Variants in RIC3 observed in about 807,000 individuals in gnomAD.
The protein encoded by RIC3 is protein RIC-3.
In RIC3, 28 loss-of-function variants were observed where a neutral mutation model predicts 27.3. The observed-to-expected ratio is 1.02, with a 90% CI of 0.76 to 1.41. RIC3 has a LOEUF of 1.41. Among genes scored for constraint, RIC3 ranks in the 40% most tolerant of loss-of-function variants. The probability of loss-of-function intolerance (pLI) is 0.00; values close to 1 mark genes in which losing one functional copy is unlikely to be tolerated. For synonymous variants in RIC3, 184 were observed against 160.4 expected (o/e 1.15, Z -1.11); for missense variants, 501 against 444.7 (o/e 1.13, Z -1.14).
intron 1 of RIC3, among the ~76,000 whole-genome samples, chr11:8,159,598 A>G (rs1363296526): frequency 1.3e-5 from 2 of 152,234 alleles, no homozygotes; most frequent in Non-Finnish European, 2.9e-5. Flanking sequence ...CAACTGGTTG[A>G]ATGACCCTAA....
In RIC3 at chr11:8,158,099, G is replaced by C. The variant is rs548344925; in HGVS notation, c.124+10767C>G. On this transcript the variant is annotated intron_variant, in intron 1 of 5. Transcript: ENST00000309737. Reference sequence around the variant, plus strand: ...TTACATACCAACACATAAGAAGCTAGTTTAAGATAACACAGAACTATGTAT... The same window carrying C: ...TTACATACCAACACATAAGAAGCTACTTTAAGATAACACAGAACTATGTAT... 2.0e-5 allele frequency among the ~76,000 whole-genome samples: 3 copies of C among 152,210 alleles called. No homozygotes were observed. In the East Asian group the frequency reaches 5.8e-4, roughly 29 times the overall value.
chr11:8,128,506 A>G (rs1452500459), intron 4 of RIC3, among the ~76,000 whole-genome samples: 1 of 152,152 alleles, frequency 6.6e-6, no homozygotes, highest in African/African-American at 2.4e-5. Context: ...ACCTTATGAC[A>G]TCTTCTGAAT....
At chr11:8,120,719 AAG>A (rs1946347273) in intron 5 of RIC3, among the ~76,000 whole-genome samples, 1 of 152,120 alleles carries the variant, frequency 6.6e-6, no homozygotes, top group African/African-American at 2.4e-5. Context: ...TTAAAAAAAA[AAG>A]AAAGAAAATA....
chr11:8,108,354 G>C lies in RIC3; in HGVS notation c.*2344C>G, dbSNP rs1944897908. The C allele has an allele frequency of 6.6e-6, 1 of 152,258 alleles. No individual in the cohort carries two copies. Among genetic ancestry groups the C allele is most frequent in the South Asian group, 2.1e-4 (1 of 4,822 alleles). The allele number at this position is 152,258 out of a possible 1,614,324, so 9.4% of individuals were successfully genotyped here. A position where few individuals can be genotyped will look rare whatever the true frequency, so the allele number is the denominator to read the frequency against. On this transcript the variant is annotated 3_prime_UTR_variant, in exon 6 of 6. Coordinates refer to ENST00000309737, the MANE Select transcript of RIC3 (RefSeq NM_001206671.4). ...CAAGGCCCACCTCCCAAGAAACTGT[G>C]AAGTTTCTTGGCAATACTTTAGCAA...
rs1944813577 is a variant in RIC3 at position 8,107,642 on chromosome 11, T to C, written c.*3056A>G. The C allele has an allele frequency of 1.3e-5, 2 of 152,194 alleles. No individual in the cohort carries two copies. Among genetic ancestry groups the C allele is most frequent in the South Asian group, 4.1e-4 (2 of 4,826 alleles). 9.4% of individuals were successfully genotyped at this position (152,194 alleles called of 1,614,324 possible). A position where few individuals can be genotyped will look rare whatever the true frequency, so the allele number is the denominator to read the frequency against. ...GTTGATTCTACAGGCCAAATACACC[T>C]CCACTCCTCATCACGACTCCCTGGG... On this transcript the variant is annotated 3_prime_UTR_variant, in exon 6 of 6. Coordinates refer to ENST00000309737, the MANE Select transcript of RIC3 (RefSeq NM_001206671.4).
chr11:8,151,611 C>T (rs373071604), intron 1 of RIC3, among the ~76,000 whole-genome samples: 1 of 132,800 alleles, frequency 7.5e-6, no homozygotes, highest in African/African-American at 3.0e-5. Context: ...ACAAATAAAC[C>T]AAGTAAAAAT....
chr11:8,096,918 C>T, the RIC3 span: 20 of 1,258,850 alleles, frequency 1.6e-5, no homozygotes, highest in Admixed American at 1.2e-4. Flanking sequence ...TCTCTGCTGG[C>T]CTCTTATGTC....
At chr11:8,095,351 A>G in the RIC3 span, 3 of 737,918 alleles carry the variant, frequency 4.1e-6, no homozygotes, top group Non-Finnish European at 6.5e-6. Flanking sequence ...GGCTGGTGCA[A>G]TCATTAGTTT....
chr11:8,116,027 T>C (rs964246982), intron 5 of RIC3, among the ~76,000 whole-genome samples: 1 of 152,162 alleles, frequency 6.6e-6, no homozygotes, highest in Non-Finnish European at 1.5e-5. Flanking sequence ...CAAAACAGTA[T>C]GTTACTGGCA....
intron 1 of RIC3, among the ~76,000 whole-genome samples, chr11:8,149,033 A>AG (rs1590314326): frequency 6.7e-6 from 1 of 149,472 alleles, no homozygotes; most frequent in East Asian, 2.0e-4. Context: ...ACAAAAAAAA[A>AG]AAAAAAAAAA....
intron 1 of RIC3, among the ~76,000 whole-genome samples, chr11:8,158,182 A>G (rs992705045): frequency 6.6e-6 from 1 of 152,204 alleles, no homozygotes; most frequent in Non-Finnish European, 1.5e-5. Flanking sequence ...ATTTATATAC[A>G]CATATACATG....
chr11:8,165,879 A>C (rs951890212), intron 1 of RIC3, among the ~76,000 whole-genome samples: 1 of 142,076 alleles, frequency 7.0e-6, no homozygotes, highest in Admixed American at 7.1e-5. Flanking sequence ...CCAAACTTCA[A>C]ACGATCCTCC....
chr11:8,118,850 G>T (rs1213414658), intron 5 of RIC3, among the ~76,000 whole-genome samples: 4 of 148,744 alleles, frequency 2.7e-5, no homozygotes, highest in Non-Finnish European at 5.9e-5. Flanking sequence ...TAGCCTGGGA[G>T]ACGGAGTGAG....
Position 8,126,679 on chromosome 11 carries a change from G to C in RIC3, c.650C>G (p.Pro217Arg). 6.2e-7 allele frequency: 1 copy of C among 1,614,102 alleles called. No homozygotes were observed. The change falls in exon 5 of 6, where the codon CCT (proline) becomes CGT (arginine). Residue 217 changes from proline to arginine, a missense_variant. Physicochemically the swap from Pro to Arg is moderately radical, Grantham distance 103. Coordinates refer to ENST00000309737, the MANE Select transcript of RIC3 (RefSeq NM_001206671.4). ...TTTACCTTCCCAGTCCTCCATGTAA[G>C]GGGCCTCCTCAGCTTCTTTCTCTGG... ...FSPEKEAEEA[P>R]YMEDWEGYPE...
chr11:8,097,516 A>G, the RIC3 span: 1,538,880 of 1,544,282 alleles, frequency 1, 766,890 homozygotes, highest in Non-Finnish European at 1. Context: ...CATATCTACC[A>G]CTGACCTCTC....
chr11:8,122,864 C>CAAAAAAAAAAAAAAAAAAAAAAAAA lies in RIC3; in HGVS notation c.670+3794_670+3795insTTTTTTTTTTTTTTTTTTTTTTTTT, dbSNP rs55826618. Among the ~76,000 whole-genome samples, 2 of 63,514 alleles carry CAAAAAAAAAAAAAAAAAAAAAAAAA rather than the reference C, an allele frequency of 3.1e-5. 1 individual carries two copies. Among genetic ancestry groups the CAAAAAAAAAAAAAAAAAAAAAAAAA allele is most frequent in the Non-Finnish European group, 6.1e-5 (2 of 32,644 alleles). The allele number at this position is 63,514 out of a possible 152,430, so 41.7% of individuals were successfully genotyped here. A position where few individuals can be genotyped will look rare whatever the true frequency, so the allele number is the denominator to read the frequency against. Reference sequence around the variant, plus strand: ...ATCCAATCAAAACCTACCAGGTATGCAAAAAAAAAAAAAAAAAAAAAAGGG... The same window carrying CAAAAAAAAAAAAAAAAAAAAAAAAA: ...ATCCAATCAAAACCTACCAGGTATGCAAAAAAAAAAAAAAAAAAAAAAAAAAAAAAAAAAAAAAAAAAAAAAAGGG... On this transcript the variant is annotated intron_variant, in intron 5 of 5. Coordinates refer to ENST00000309737, the MANE Select transcript of RIC3 (RefSeq NM_001206671.4).
intron 1 of RIC3, among the ~76,000 whole-genome samples, chr11:8,159,216 A>G (rs1218980886): frequency 6.6e-6 from 1 of 152,196 alleles, no homozygotes; most frequent in Non-Finnish European, 1.5e-5. Flanking sequence ...GGAAAGGCAC[A>G]TGGATATCCA....
In RIC3 at chr11:8,140,165, C is replaced by G; in HGVS notation, c.153G>C (p.Met51Ile). The change falls in exon 2 of 6, where the codon ATG becomes ATC. Residue 51 changes from methionine to isoleucine, a missense_variant. By Grantham distance (10) the Met-to-Ile change is conservative. Coordinates refer to ENST00000309737, the MANE Select transcript of RIC3 (RefSeq NM_001206671.4). ...CATCTGAGGGTGCCTGGTGATGATG[C>G]ATCATAGGTGGAAATCGGCCCAATT... ...EGKLGRFPPMMHHHQAPSDGQ... is the reference protein window; with the variant it reads ...EGKLGRFPPMIHHHQAPSDGQ... 6.2e-7 allele frequency: 1 copy of G among 1,613,422 alleles called. No individual in the cohort carries two copies. The highest frequency in any genetic ancestry group is 8.5e-7 in the Non-Finnish European group (1 of 1,179,882).
chr11:8,140,197 A>G lies in RIC3; in HGVS notation c.125-4T>C. The G allele has an allele frequency of 6.2e-7, 1 of 1,608,918 alleles. No homozygotes were observed. The highest frequency in any genetic ancestry group is 2.2e-5 in the East Asian group (1 of 44,820). ...GGTGGAAATCGGCCCAATTTTCCTG[A>G]GAAAATAATAATCACTTTTTATCTC... On this transcript the variant is annotated splice_polypyrimidine_tract_variant and splice_region_variant and intron_variant, in intron 1 of 5. Coordinates refer to ENST00000309737, the MANE Select transcript of RIC3 (RefSeq NM_001206671.4).
Sources: allele counts gnomAD v4.1 joint callset (sites outside exome capture counted in the v4.1 genomes callset), GRCh38; gene constraint gnomAD v4.1.1; transcripts MANE v1.5; gene names NCBI Gene and HGNC (gene_info 2026-07-23, HGNC 2026-07-21).